Variants in MCM3AP observed in about 807,000 individuals in gnomAD.
The protein encoded by MCM3AP is minichromosome maintenance complex component 3 associated protein.
Under a neutral mutation model 184.1 loss-of-function variants are expected in MCM3AP, and 126 were observed. That is an observed-to-expected ratio of 0.68 (90% CI 0.59 to 0.79). The LOEUF (loss-of-function observed/expected upper bound fraction) is 0.79. Among genes scored for constraint, MCM3AP ranks in the 30% least tolerant of loss-of-function variants. MCM3AP has a pLI of 0.00. For synonymous variants in MCM3AP, 1,002 were observed against 979.3 expected (o/e 1.02, Z -0.43); for missense variants, 2,496 against 2,479.2 (o/e 1.01, Z -0.14).
At chr21:46,243,930 G>A (rs537353103) in intron 23 of MCM3AP, among the ~76,000 whole-genome samples, 1 of 152,330 alleles carries the variant, frequency 6.6e-6, no homozygotes, top group East Asian at 1.9e-4. Context: ...AGTGTTGCTA[G>A]CCAAGTTCTA....
chr21:46,280,921 C>T (rs980414064), intron 2 of MCM3AP, among the ~76,000 whole-genome samples: 2 of 152,074 alleles, frequency 1.3e-5, no homozygotes, highest in Non-Finnish European at 2.9e-5. Flanking sequence ...TCTCCTGCCT[C>T]AGCCTCCTGA....
Position 46,243,110 on chromosome 21 carries a change from A to T in MCM3AP, c.5297-179T>A, listed in dbSNP as rs941538265. ...GACCTTTGATTAAAGTCACACAATT[A>T]TGTGACTTCCACACTTGGGTTAAAT... On this transcript the variant is annotated intron_variant, in intron 24 of 27. Transcript: ENST00000291688. 9.6e-6 allele frequency: 6 copies of T among 625,750 alleles called. No individual in the cohort carries two copies. The African/African-American group carries it at 1.1e-4, about 12-fold the overall frequency. The allele number at this position is 625,750 out of a possible 1,614,324, so 38.8% of individuals were successfully genotyped here. A position where few individuals can be genotyped will look rare whatever the true frequency, so the allele number is the denominator to read the frequency against.
rs769110445 is a variant in MCM3AP, at chr21:46,266,145, A to C, written c.2811T>G (p.Ser937=). Residue 937 remains serine, a synonymous_variant, in exon 11 of 28, where the codon TCT becomes TCG. Coordinates refer to ENST00000291688, the MANE Select transcript of MCM3AP (RefSeq NM_003906.5). Reference sequence around the variant, plus strand: ...ATAATCCCTCTGGTTCCAGGAATGCAGACCGGTTCAGCTCCACACAGCTAC... The same window carrying C: ...ATAATCCCTCTGGTTCCAGGAATGCCGACCGGTTCAGCTCCACACAGCTAC... ...VSDGCVELNR[S]AFLEPEGLSK... is the part of the protein sequence containing the mutation. The C allele has an allele frequency of 6.2e-7, 1 of 1,610,710 alleles. No individual in the cohort carries two copies. Among genetic ancestry groups the C allele is most frequent in the South Asian group, 1.1e-5 (1 of 89,698 alleles).
At chr21:46,241,807 A>C (rs796536159) in intron 25 of MCM3AP, 6 of 152,364 alleles carry the variant, frequency 3.9e-5, no homozygotes, top group African/African-American at 1.4e-4. Flanking sequence ...CTGAGAACTC[A>C]TATGTTAATG....
At chr21:46,265,242 A>C in intron 12 of MCM3AP, 79 bp downstream of exon 12, 1 of 1,366,608 alleles carries the variant, frequency 7.3e-7, no homozygotes, top group Non-Finnish European at 1.0e-6. Flanking sequence ...CCACAGCCCC[A>C]CCTCATGGGG....
At chr21:46,278,464 A>G (rs1601543407) in intron 4 of MCM3AP, among the ~76,000 whole-genome samples, 1 of 152,222 alleles carries the variant, frequency 6.6e-6, no homozygotes, top group East Asian at 1.9e-4. Flanking sequence ...TACATTGGCC[A>G]AAAGATGAAA....
intron 13 of MCM3AP, among the ~76,000 whole-genome samples, chr21:46,263,223 G>T (rs1446629834): frequency 6.6e-6 from 1 of 151,828 alleles, no homozygotes; most frequent in Non-Finnish European, 1.5e-5. Context: ...CCAGCTACTC[G>T]GGAGGCTGAG....
intron 13 of MCM3AP, 75 bp from the exon 14 acceptor site, chr21:46,261,486 G>A: frequency 2.9e-6 from 4 of 1,392,632 alleles, no homozygotes; most frequent in Non-Finnish European, 4.0e-6. Flanking sequence ...TGTAATCCCA[G>A]CACTTTGGGA....
intron 19 of MCM3AP, 65 bp from the exon 20 acceptor site, chr21:46,251,747 T>G: frequency 9.8e-7 from 1 of 1,020,374 alleles, no homozygotes. Flanking sequence ...ATATTTGAAT[T>G]ATAAAGACTT....
chr21:46,282,926 T>C (rs564686594), intron 2 of MCM3AP, among the ~76,000 whole-genome samples: 1 of 152,178 alleles, frequency 6.6e-6, no homozygotes, highest in East Asian at 1.9e-4. Flanking sequence ...TTTCACTTTT[T>C]TTCTTTTTCT....
At chr21:46,277,464 C>T in intron 5 of MCM3AP, 63 bp downstream of exon 5, 8 of 1,372,572 alleles carry the variant, frequency 5.8e-6, no homozygotes, top group Non-Finnish European at 6.8e-6. Flanking sequence ...TGCTCCTGCC[C>T]TGATGGCACC....
At chr21:46,254,197 TA>T in intron 19 of MCM3AP, 194 bp downstream of exon 19, 1 of 630,800 alleles carries the variant, frequency 1.6e-6, no homozygotes, top group Non-Finnish European at 2.7e-6. Context: ...GTTTATGGAA[TA>T]AAAATTGAAA....
chr21:46,256,789 C>G lies in MCM3AP; in HGVS notation c.3932G>C (p.Arg1311Thr), dbSNP rs1049915153. ...GAGGCAGGCGACAGCTGATGCTGAC[C>G]TGGTGCAGGAGATGCCCAATCTCCC... ...HAGRLGISCT[R>T]LRRLRNKTAH... Residue 1311 changes from arginine (R) to threonine (T), a missense_variant and splice_region_variant, in exon 17 of 28, where the codon AGG becomes ACG. This residue lies in a region of MCM3AP where 1,323 missense variants were observed against 1,273.4 expected (regional missense o/e 1.04). Coordinates refer to ENST00000291688, the MANE Select transcript of MCM3AP (RefSeq NM_003906.5). 2 of 1,550,230 alleles carry G rather than the reference C, an allele frequency of 1.3e-6. No homozygotes were observed. Among genetic ancestry groups the G allele is most frequent in the Non-Finnish European group, 1.7e-6 (2 of 1,146,400 alleles).
intron 2 of MCM3AP, among the ~76,000 whole-genome samples, chr21:46,282,601 G>A (rs1034154539): frequency 3.3e-5 from 5 of 152,028 alleles, no homozygotes; most frequent in Non-Finnish European, 5.9e-5. Flanking sequence ...TCAGGAGATC[G>A]AGACCATCCT....
chr21:46,266,949 CA>C lies in MCM3AP; in HGVS notation c.2789+32del, dbSNP rs773893184. 5 of 1,610,130 alleles carry C rather than the reference CA, an allele frequency of 3.1e-6. No individual in the cohort carries two copies. The East Asian group carries it at 1.1e-4, about 36-fold the overall frequency. ...TCAGAATTAACAAGAAAAAAGGAGA[CA>C]GGGGCCCCACAGTTCCATTCTCAGC... On this transcript the variant is annotated intron_variant, in intron 10 of 27. Transcript: ENST00000291688.
In MCM3AP at chr21:46,280,068, T is replaced by G. The variant is rs144333393; in HGVS notation, c.1592A>C (p.Glu531Ala). Residue 531 changes from glutamate (E) to alanine (A), a missense_variant, in exon 4 of 28, where the codon GAG (glutamate) becomes GCG (alanine). Transcript: ENST00000291688. ...PGDGEVSPST[E>A]DAPFQHSPLG... is the part of the protein sequence containing the mutation. ...AGGAGAGTGCTGAAAGGGTGCATCC[T>G]CTGTGCTCGGGCTGACTTCACCGTC... The G allele has an allele frequency of 1.2e-6, 2 of 1,614,230 alleles. No homozygotes were observed. The highest frequency in any genetic ancestry group is 8.5e-7 in the Non-Finnish European group (1 of 1,180,024).
Position 46,284,964 on chromosome 21 carries a change from G to C in MCM3AP, c.323C>G (p.Thr108Arg), listed in dbSNP as rs1482669418. ...GGTGGGTGATTTAAAACTAAATCCTGTGTTTCCCAGCACAGATGAACTTGA... is the reference window on the plus strand; with the variant it reads ...GGTGGGTGATTTAAAACTAAATCCTCTGTTTCCCAGCACAGATGAACTTGA... Reference protein sequence around the residue: ...GPSSSSVLGNTGFSFKSPTSV... With the variant: ...GPSSSSVLGNRGFSFKSPTSV... The change falls in exon 1 of 28, where the codon ACA (threonine) becomes AGA (arginine). Residue 108 changes from threonine (T) to arginine (R), a missense_variant. Thr to Arg is a moderately conservative substitution (Grantham distance 71). Coordinates refer to ENST00000291688, the MANE Select transcript of MCM3AP (RefSeq NM_003906.5). 6 of 1,614,114 alleles carry C rather than the reference G, an allele frequency of 3.7e-6. No individual in the cohort carries two copies. The highest frequency in any genetic ancestry group is 1.3e-5 in the African/African-American group (1 of 75,060).
intron 17 of MCM3AP, 82 bp downstream of exon 17, chr21:46,256,707 A>C (rs2080955293): frequency 6.8e-7 from 1 of 1,475,112 alleles, no homozygotes; most frequent in Non-Finnish European, 9.1e-7. Context: ...TCACCCTCCA[A>C]ACACACACAT....
chr21:46,262,640 CCT>C (rs1383418749), intron 13 of MCM3AP, among the ~76,000 whole-genome samples: 5 of 151,428 alleles, frequency 3.3e-5, no homozygotes, highest in African/African-American at 1.2e-4. Context: ...AAAGTAAGAC[CCT>C]GTCTCAAAAA....
Sources: gnomAD v4.1 joint callset for allele counts (sites outside exome capture counted in the v4.1 genomes callset) on GRCh38, gnomAD v4.1.1 for gene constraint, gnomAD v4.1.1 regional missense constraint, MANE v1.5 for transcripts, NCBI Gene and HGNC (gene_info 2026-07-23, HGNC 2026-07-21) for gene names.